S100Z: variants seen among roughly 807,000 people sequenced by gnomAD.
S100Z encodes the protein protein S100-Z.
A neutral mutation model predicts 8.5 loss-of-function variants in S100Z; 11 were observed. That is an observed-to-expected ratio of 1.30 (90% CI 0.82 to 2.15). S100Z has a LOEUF of 2.15. Ranked by LOEUF, S100Z falls within the 30% of genes most tolerant of loss-of-function variation. S100Z has a pLI of 0.00. For missense variants in S100Z, 126 were observed against 117.9 expected (o/e 1.07, Z -0.32); for synonymous variants, 34 against 43.8 (o/e 0.78, Z 0.89).
At chr5:76,883,664 A>G (rs1442436620) in intron 4 of S100Z, among the ~76,000 whole-genome samples, 1 of 152,172 alleles carries the variant, frequency 6.6e-6, no homozygotes, top group African/African-American at 2.4e-5. Flanking sequence ...CTAAGCTGAG[A>G]ATATCTGGGA....
intron 4 of S100Z, among the ~76,000 whole-genome samples, chr5:76,914,573 CTT>C (rs1194104508): frequency 2.0e-5 from 3 of 152,162 alleles, no homozygotes; most frequent in East Asian, 1.9e-4. Context: ...GCTGCTCACT[CTT>C]TGGGTCCGCA....
intron 2 of S100Z, among the ~76,000 whole-genome samples, chr5:76,871,363 AT>A (rs1397250913): frequency 6.6e-6 from 1 of 152,140 alleles, no homozygotes; most frequent in Non-Finnish European, 1.5e-5. Flanking sequence ...TTTATCATTT[AT>A]TCTCTCTGAA....
At chr5:76,878,765 G>A (rs1743289705) in intron 4 of S100Z, among the ~76,000 whole-genome samples, 1 of 152,196 alleles carries the variant, frequency 6.6e-6, no homozygotes, top group South Asian at 2.1e-4. Context: ...TGTTGCTGTG[G>A]TCTGGGTAAG....
chr5:76,903,968 C>CTCAT (rs993099443), intron 4 of S100Z, among the ~76,000 whole-genome samples: 1 of 151,772 alleles, frequency 6.6e-6, no homozygotes, highest in African/African-American at 2.4e-5. Context: ...AACTCCTGAC[C>CTCAT]TCATGATCCA....
intron 4 of S100Z, among the ~76,000 whole-genome samples, chr5:76,911,419 T>G (rs151151664): frequency 0.088 from 13,338 of 152,184 alleles, 1,770 homozygotes; most frequent in African/African-American, 0.29. Flanking sequence ...GGTTCACTGT[T>G]CTGGACCTCA....
intron 1 of S100Z, among the ~76,000 whole-genome samples, chr5:76,851,690 G>A (rs539680033): frequency 6.6e-6 from 1 of 152,332 alleles, no homozygotes; most frequent in South Asian, 2.1e-4. Context: ...TGGAATCTGA[G>A]ACTCTGATGT....
downstream of S100Z, among the ~76,000 whole-genome samples, chr5:76,925,296 C>A (rs564120388): frequency 2.0e-5 from 3 of 152,180 alleles, no homozygotes; most frequent in East Asian, 3.9e-4. Flanking sequence ...GGGGAGTATG[C>A]GGGGGTGTGA....
At chr5:76,911,146 C>G (rs1375770180) in intron 4 of S100Z, among the ~76,000 whole-genome samples, 1 of 152,160 alleles carries the variant, frequency 6.6e-6, no homozygotes, top group African/African-American at 2.4e-5. Context: ...AAGATCCCAC[C>G]ACTTTTCCTT....
At chr5:76,949,313 C>G in the S100Z span, among the ~76,000 whole-genome samples, 1 of 151,966 alleles carries the variant, frequency 6.6e-6, no homozygotes, top group Non-Finnish European at 1.5e-5. Flanking sequence ...GGCGTGGACC[C>G]AGGAGGCAGA....
intron 2 of S100Z, among the ~76,000 whole-genome samples, chr5:76,873,452 C>T (rs1415900788): frequency 1.3e-5 from 2 of 151,984 alleles, no homozygotes; most frequent in East Asian, 1.9e-4. Flanking sequence ...GGACTACAGG[C>T]GTGCACCACC....
chr5:76,880,938 T>C (rs1009958564), intron 4 of S100Z, among the ~76,000 whole-genome samples: 10 of 152,096 alleles, frequency 6.6e-5, no homozygotes, highest in African/African-American at 2.2e-4. Flanking sequence ...AAGCCAGCAA[T>C]TGTTTGTTAA....
At chr5:76,931,420 CTCT>C in the S100Z span, among the ~76,000 whole-genome samples, 1 of 152,112 alleles carries the variant, frequency 6.6e-6, no homozygotes, top group Non-Finnish European at 1.5e-5. Flanking sequence ...GCTCCTCTTT[CTCT>C]TCTTATTTGA....
intron 1 of S100Z, among the ~76,000 whole-genome samples, chr5:76,868,254 G>A (rs1048580057): frequency 6.6e-6 from 1 of 152,122 alleles, no homozygotes; most frequent in Non-Finnish European, 1.5e-5. Context: ...GGGAATTAGA[G>A]GGCTGCCAGG....
intron 1 of S100Z, among the ~76,000 whole-genome samples, chr5:76,864,567 C>T (rs1751199474): frequency 6.6e-6 from 1 of 151,412 alleles, no homozygotes; most frequent in Admixed American, 6.6e-5. Flanking sequence ...CCACATCCAA[C>T]TAATTTTTGT....
At chr5:76,914,917 C>T (rs755946133) in intron 4 of S100Z, among the ~76,000 whole-genome samples, 4 of 152,166 alleles carry the variant, frequency 2.6e-5, no homozygotes, top group Non-Finnish European at 4.4e-5. Flanking sequence ...GAACAAACTC[C>T]GGACCATCTT....
intron 4 of S100Z, among the ~76,000 whole-genome samples, chr5:76,887,160 A>G (rs1224769381): frequency 6.9e-6 from 1 of 145,736 alleles, no homozygotes; most frequent in Non-Finnish European, 1.5e-5. Context: ...GCAGTGGCGC[A>G]ATCTCAGCTC....
At chr5:76,937,804 A>G in the S100Z span, among the ~76,000 whole-genome samples, 19 of 145,364 alleles carry the variant, frequency 1.3e-4, no homozygotes, top group East Asian at 4.0e-3. Context: ...TTTCTGTGTG[A>G]TTTTCTCCCT....
chr5:76,901,455 T>A (rs1404460239), intron 4 of S100Z, among the ~76,000 whole-genome samples: 1 of 152,196 alleles, frequency 6.6e-6, no homozygotes, highest in African/African-American at 2.4e-5. Flanking sequence ...TTCTTCCCAC[T>A]TTTTCATCAT....
chr5:76,904,715 A>AT (rs78314030), intron 4 of S100Z, among the ~76,000 whole-genome samples: 4 of 150,756 alleles, frequency 2.7e-5, no homozygotes, highest in African/African-American at 9.7e-5. Context: ...ATTAAAAAAA[A>AT]TTTTTTTTTG....
Sources: gnomAD v4.1 joint callset for allele counts (sites outside exome capture counted in the v4.1 genomes callset) on GRCh38, gnomAD v4.1.1 for gene constraint, MANE v1.5 for transcripts, NCBI Gene and HGNC (gene_info 2026-07-23, HGNC 2026-07-21) for gene names.